EFR3A: variants seen among roughly 807,000 people sequenced by gnomAD.
EFR3A encodes the protein protein EFR3 homolog A.
EFR3A carries 76 observed loss-of-function variants against 104.4 expected under a neutral mutation model. The ratio of observed to expected loss-of-function variants is 0.73; its 90% CI spans 0.60 to 0.88. The LOEUF (loss-of-function observed/expected upper bound fraction) is 0.88. Among genes scored for constraint, EFR3A ranks in the 40% least tolerant of loss-of-function variants. EFR3A has a pLI of 0.00. For synonymous variants in EFR3A, 330 were observed against 330.0 expected, an observed-to-expected ratio of 1.00 and a Z score of 0.00; for missense variants, 985 against 1,012.5, an observed-to-expected ratio of 0.97 and a Z score of 0.37.
chr8:131,989,630 A>G (rs1821064657), intron 18 of EFR3A, among the ~76,000 whole-genome samples: 1 of 152,174 alleles, frequency 6.6e-6, no homozygotes, highest in Non-Finnish European at 1.5e-5. Flanking sequence ...GCATCCAGAA[A>G]GATCCAGATT....
At chr8:131,996,563 C>A in intron 19 of EFR3A, 66 bp downstream of exon 19, 1 of 987,400 alleles carries the variant, frequency 1.0e-6, no homozygotes, top group South Asian at 1.8e-5. Flanking sequence ...AATTTTTTGC[C>A]TTCCACACTT....
chr8:131,996,874 A>G (rs923353633), intron 19 of EFR3A, among the ~76,000 whole-genome samples: 2 of 152,100 alleles, frequency 1.3e-5, no homozygotes, highest in African/African-American at 4.8e-5. Flanking sequence ...AGGAAATGCA[A>G]ATTACAGAAA....
chr8:131,943,234 T>C (rs980527826), intron 2 of EFR3A, among the ~76,000 whole-genome samples: 2 of 152,104 alleles, frequency 1.3e-5, no homozygotes, highest in Admixed American at 6.6e-5. Flanking sequence ...ATCCCAGGCA[T>C]TTTGGATGAG....
rs1023054225 is a variant in EFR3A at position 131,936,187 on chromosome 8, T to A, written c.11-4312T>A. On this transcript the variant is annotated intron_variant, in intron 1 of 22. Coordinates refer to ENST00000254624, the MANE Select transcript of EFR3A (RefSeq NM_015137.6). Reference sequence around the variant, plus strand: ...GAGGTCAATTGGCATCACTACTGTTTAGGGACTAAGAGGCATTGCTGAATC... The same window carrying A: ...GAGGTCAATTGGCATCACTACTGTTAAGGGACTAAGAGGCATTGCTGAATC... Among the ~76,000 whole-genome samples, 3 of 152,116 alleles carry A rather than the reference T, an allele frequency of 2.0e-5. No homozygotes were observed. In the East Asian group the frequency reaches 5.8e-4, roughly 29 times the overall value.
intron 5 of EFR3A, among the ~76,000 whole-genome samples, chr8:131,952,325 A>T (rs1458183661): frequency 6.6e-6 from 1 of 152,122 alleles, no homozygotes; most frequent in East Asian, 1.9e-4. Context: ...ACTGATGGGA[A>T]ACTGTAGAAT....
At chr8:131,963,382 A>G (rs970354805) in intron 8 of EFR3A, among the ~76,000 whole-genome samples, 1 of 152,136 alleles carries the variant, frequency 6.6e-6, no homozygotes, top group Non-Finnish European at 1.5e-5. Context: ...AAAATGATAA[A>G]GGGGATATCA....
rs189818345 is a variant in EFR3A at position 131,972,379 on chromosome 8, A to C, written c.1159+1736A>C. On this transcript the variant is annotated intron_variant, in intron 10 of 22. Coordinates refer to ENST00000254624, the MANE Select transcript of EFR3A (RefSeq NM_015137.6). The stretch of plus-strand genomic sequence containing the variant: ...AAGGAGCTGCGGTTGTTTTTAGTGG[A>C]TAGTAGTATTAGAGACTAAGATCTG... Among the ~76,000 whole-genome samples, 30 of 151,036 alleles carry C rather than the reference A, an allele frequency of 2.0e-4. No individual in the cohort carries two copies. In the East Asian group the frequency reaches 4.1e-3, roughly 21 times the overall value.
intron 22 of EFR3A, among the ~76,000 whole-genome samples, chr8:132,005,106 TAACA>T (rs756072636): frequency 6.6e-6 from 1 of 152,204 alleles, no homozygotes; most frequent in East Asian, 1.9e-4. Context: ...CAACAGACTC[TAACA>T]AACAGATAGT....
At chr8:131,961,152 G>A (rs992319924) in intron 8 of EFR3A, among the ~76,000 whole-genome samples, 10 of 152,138 alleles carry the variant, frequency 6.6e-5, no homozygotes, top group East Asian at 1.9e-4. Flanking sequence ...AAATCAGAGC[G>A]CCTCTCCTCC....
rs1157502990 is a variant in EFR3A, at chr8:131,904,180, C to T, written c.-133C>T. 1.2e-5 allele frequency: 13 copies of T among 1,068,800 alleles called. No individual in the cohort carries two copies. The highest frequency in any genetic ancestry group is 4.3e-5 in the Admixed American group (1 of 23,146). 66.2% of individuals were successfully genotyped at this position (1,068,800 alleles called of 1,614,324 possible). A position where few individuals can be genotyped will look rare whatever the true frequency, so the allele number is the denominator to read the frequency against. ...TGACCGCGGGGTCCGCGTCCGCTCC[C>T]TCCACCCTTCGCCCTTCGCCCTTCG... On this transcript the variant is annotated 5_prime_UTR_variant, in exon 1 of 23. Coordinates refer to ENST00000254624, the MANE Select transcript of EFR3A (RefSeq NM_015137.6).
chr8:131,925,670 G>T (rs1017040224), intron 1 of EFR3A, among the ~76,000 whole-genome samples: 1 of 151,670 alleles, frequency 6.6e-6, no homozygotes, highest in Non-Finnish European at 1.5e-5. Flanking sequence ...TTTTTAATAA[G>T]GTCTTCTCTC....
In EFR3A at chr8:132,010,841, A is replaced by G. The variant is rs757873414; in HGVS notation, c.2412A>G (p.Gln804=). 1.2e-6 allele frequency: 2 copies of G among 1,612,678 alleles called. No individual in the cohort carries two copies. The highest frequency in any genetic ancestry group is 2.2e-5 in the East Asian group (1 of 44,846). The change falls in exon 23 of 23, where the codon CAA becomes CAG. Residue 804 remains glutamine, a synonymous_variant. Coordinates refer to ENST00000254624, the MANE Select transcript of EFR3A (RefSeq NM_015137.6). ...GTLTITSGHA[Q]YQSVPVYEMK... ...TGACCATTACTTCTGGGCATGCCCA[A>G]TACCAATCTGTCCCAGTCTATGAGA... is the stretch of plus-strand genomic sequence containing the variant.
chr8:131,985,156 C>T lies in EFR3A; in HGVS notation c.1869+96C>T, dbSNP rs1586652871. ...ATTTTTAACTTTGGTGATTACGTAT[C>T]AAATTAAGGTAATTCTATAAAAATC... is the stretch of plus-strand genomic sequence containing the variant. On this transcript the variant is annotated intron_variant, in intron 16 of 22. Coordinates refer to ENST00000254624, the MANE Select transcript of EFR3A (RefSeq NM_015137.6). 5.8e-5 allele frequency: 71 copies of T among 1,220,568 alleles called. No homozygotes were observed. The South Asian group carries it at 1.0e-3, about 18-fold the overall frequency. 75.6% of individuals were successfully genotyped at this position (1,220,568 alleles called of 1,614,324 possible).
chr8:131,938,194 A>G, intron 1 of EFR3A: 1 of 397,468 alleles, frequency 2.5e-6, no homozygotes, highest in Non-Finnish European at 4.4e-6. Flanking sequence ...CTAGAGTCAG[A>G]AAGATCGACT....
intron 1 of EFR3A, among the ~76,000 whole-genome samples, chr8:131,936,403 G>C (rs1290169989): frequency 6.6e-6 from 1 of 152,080 alleles, no homozygotes; most frequent in African/African-American, 2.4e-5. Context: ...ACGTAATTCA[G>C]TTCTTAGCAA....
At chr8:131,986,418 T>C (rs190190274) in intron 17 of EFR3A, among the ~76,000 whole-genome samples, 157 bp downstream of exon 17, 2 of 152,266 alleles carry the variant, frequency 1.3e-5, no homozygotes, top group Admixed American at 1.3e-4. Flanking sequence ...ATTTCCCTTG[T>C]TATAAAAGGG....
Position 132,001,776 on chromosome 8 carries a change from A to C in EFR3A, c.2175A>C (p.Glu725Asp), listed in dbSNP as rs748813807. The C allele has an allele frequency of 6.2e-7, 1 of 1,613,424 alleles. No homozygotes were observed. The highest frequency in any genetic ancestry group is 8.5e-7 in the Non-Finnish European group (1 of 1,179,554). Residue 725 changes from glutamate (E) to aspartate (D), a missense_variant, in exon 20 of 23, where the codon GAA (glutamate) becomes GAC (aspartate). Physicochemically the swap from Glu to Asp is conservative, Grantham distance 45 (BLOSUM62 2). Transcript: ENST00000254624. ...TTCTCTAGGTTAGTAACACTGAAGA[A>C]ATCACTTTTGAAGCATTGAAGAAAG... ...PSDDVVSNTEEITFEALKKAI... is the reference protein window; with the variant it reads ...PSDDVVSNTEDITFEALKKAI...
intron 18 of EFR3A, among the ~76,000 whole-genome samples, chr8:131,989,062 G>A (rs1222425509): frequency 6.6e-6 from 1 of 152,034 alleles, no homozygotes; most frequent in African/African-American, 2.4e-5. Context: ...CTCTACCAAT[G>A]ACTAGAAGAA....
intron 8 of EFR3A, among the ~76,000 whole-genome samples, chr8:131,960,123 G>C (rs1700522590): frequency 6.6e-6 from 1 of 152,192 alleles, no homozygotes; most frequent in African/African-American, 2.4e-5. Flanking sequence ...TGGCTTCAGT[G>C]TGCACTTGCC....
Sources: allele counts gnomAD v4.1 joint callset (sites outside exome capture counted in the v4.1 genomes callset), GRCh38; gene constraint gnomAD v4.1.1; transcripts MANE v1.5; gene names NCBI Gene and HGNC (gene_info 2026-07-23, HGNC 2026-07-21).